The following PCDH15 variants were observed in gnomAD, a reference collection of about 807,000 sequenced individuals.
PCDH15 encodes the protein protocadherin-15.
A neutral mutation model predicts 178.5 loss-of-function variants in PCDH15; 129 were observed. The ratio of observed to expected loss-of-function variants is 0.72; its 90% confidence interval spans 0.63 to 0.84. The LOEUF is 0.84. Among genes scored for constraint, PCDH15 ranks in the 40% least tolerant of loss-of-function variants. The pLI is 0.00. For missense variants in PCDH15, 2,230 were observed against 2,099.9 expected, an observed-to-expected ratio of 1.06 and a Z score of -1.21; for synonymous variants, 800 against 732.0, an observed-to-expected ratio of 1.09 and a Z score of -1.50.
intron 3 of PCDH15, among the ~76,000 whole-genome samples, chr10:54,860,960 G>C (rs919473788): frequency 6.6e-6 from 1 of 151,916 alleles, no homozygotes; most frequent in African/African-American, 2.4e-5. Context: ...TCTTTTTAAT[G>C]GTATGTTTTA....
At chr10:55,274,678 T>C (rs1161602567) in intron 1 of PCDH15, among the ~76,000 whole-genome samples, 2 of 152,116 alleles carry the variant, frequency 1.3e-5, no homozygotes, top group Non-Finnish European at 1.5e-5. Context: ...CCCAACCTTT[T>C]TGACACCAGG....
At chr10:55,499,732 T>G (rs1264698656) in intron 2 of PCDH15, among the ~76,000 whole-genome samples, 1 of 151,722 alleles carries the variant, frequency 6.6e-6, no homozygotes, top group Non-Finnish European at 1.5e-5. Context: ...ATGTTTTAAA[T>G]AGCAAGTTAA....
intron 2 of PCDH15, among the ~76,000 whole-genome samples, chr10:55,396,269 T>C (rs1378547063): frequency 6.6e-6 from 1 of 152,174 alleles, no homozygotes. Flanking sequence ...TTTAACCCTG[T>C]AGAGAAAAGA....
chr10:53,922,030 T>C (rs1005169389), intron 25 of PCDH15, among the ~76,000 whole-genome samples: 3 of 151,054 alleles, frequency 2.0e-5, no homozygotes, highest in African/African-American at 7.4e-5. Context: ...GGATTTTACA[T>C]CATTTTAATT....
intron 1 of PCDH15, among the ~76,000 whole-genome samples, chr10:55,217,826 G>T (rs1045436593): frequency 2.6e-5 from 4 of 151,808 alleles, no homozygotes; most frequent in Non-Finnish European, 5.9e-5. Context: ...CTTAATCAAG[G>T]GGTGAACTGC....
At chr10:55,432,117 C>CA (rs552642633) in intron 2 of PCDH15, among the ~76,000 whole-genome samples, 2,558 of 99,534 alleles carry the variant, frequency 0.026, 69 homozygotes, top group African/African-American at 0.076. Context: ...ACACACACCA[C>CA]AAGTCTCTCC....
intron 21 of PCDH15, among the ~76,000 whole-genome samples, chr10:53,979,419 G>A (rs2090442927): frequency 1.3e-5 from 2 of 152,140 alleles, no homozygotes; most frequent in African/African-American, 4.8e-5. Context: ...CCCACTACAC[G>A]TGAAGATTAT....
At chr10:54,718,885 C>T (rs758262535) in intron 1 of PCDH15, among the ~76,000 whole-genome samples, 9 of 151,322 alleles carry the variant, frequency 5.9e-5, no homozygotes, top group Non-Finnish European at 1.2e-4. Context: ...TTAGTAGAGA[C>T]GGGGTTTCAC....
chr10:54,790,262 C>G (rs1951273111), intron 1 of PCDH15, among the ~76,000 whole-genome samples: 1 of 151,900 alleles, frequency 6.6e-6, no homozygotes, highest in East Asian at 1.9e-4. Context: ...CAAAGAGCAT[C>G]TCAGTGCCCA....
intron 5 of PCDH15, among the ~76,000 whole-genome samples, chr10:54,365,883 C>A (rs1051689338): frequency 1.3e-5 from 2 of 151,178 alleles, no homozygotes; most frequent in African/African-American, 4.9e-5. Flanking sequence ...TTGGTGAATT[C>A]TTGACAAACT....
chr10:55,464,549 T>C (rs926265973), intron 2 of PCDH15, among the ~76,000 whole-genome samples: 2 of 151,494 alleles, frequency 1.3e-5, no homozygotes, highest in Non-Finnish European at 2.9e-5. Flanking sequence ...ACCACCTCTA[T>C]TCCAGAGGCA....
chr10:55,319,452 G>C (rs1843826365), intron 1 of PCDH15: 1 of 152,130 alleles, frequency 6.6e-6, no homozygotes, highest in Non-Finnish European at 1.5e-5. Context: ...AGGGTGGCAA[G>C]ATGGCTGACT....
intron 2 of PCDH15, among the ~76,000 whole-genome samples, chr10:54,590,863 A>C (rs1250064317): frequency 6.6e-6 from 1 of 152,102 alleles, no homozygotes; most frequent in East Asian, 1.9e-4. Flanking sequence ...CAAGCAAACA[A>C]AAAAAAACCG....
In PCDH15 at chr10:54,985,996, G is replaced by C. The variant is rs117370137; in HGVS notation, c.-79-88496C>G. On this transcript the variant is annotated intron_variant, in intron 2 of 5. Transcript: ENST00000458638. ...GGCAAAATTCAACCTGGGGTTTGAA[G>C]TAGAGGCCTATTTTTAAAATCCTCT... Among the ~76,000 whole-genome samples, 1,453 of 152,346 alleles carry C rather than the reference G, an allele frequency of 9.5e-3. 9 individuals are homozygous for C. The highest frequency in any genetic ancestry group is 0.016 in the Non-Finnish European group (1,082 of 68,030).
chr10:54,978,642 T>C (rs866897425), intron 2 of PCDH15, among the ~76,000 whole-genome samples: 56 of 152,118 alleles, frequency 3.7e-4, no homozygotes, highest in African/African-American at 1.4e-3. Flanking sequence ...GAAGACTCAC[T>C]AGAGAAGATT....
chr10:54,702,778 A>G (rs1219383717), intron 1 of PCDH15, among the ~76,000 whole-genome samples: 1 of 152,072 alleles, frequency 6.6e-6, no homozygotes, highest in Non-Finnish European at 1.5e-5. Context: ...TACCAGATGT[A>G]TAAAGAAGAG....
At chr10:54,048,521 TTA>T (rs2093700983) in intron 18 of PCDH15, among the ~76,000 whole-genome samples, 1 of 152,198 alleles carries the variant, frequency 6.6e-6, no homozygotes, top group Non-Finnish European at 1.5e-5. Flanking sequence ...TCCAGGATTT[TTA>T]TAGTTTTGCA....
At chr10:54,493,524 T>C (rs1269160474) in intron 3 of PCDH15, among the ~76,000 whole-genome samples, 1 of 151,986 alleles carries the variant, frequency 6.6e-6, no homozygotes, top group Non-Finnish European at 1.5e-5. Context: ...AAAGTGTATG[T>C]TTGGAGAGAA....
chr10:54,441,377 C>G (rs1469907474), intron 3 of PCDH15, among the ~76,000 whole-genome samples: 1 of 151,854 alleles, frequency 6.6e-6, no homozygotes, highest in Non-Finnish European at 1.5e-5. Context: ...ACTATTAAAC[C>G]CTGTGAATCC....
Sources: gnomAD v4.1 joint callset for allele counts (sites outside exome capture counted in the v4.1 genomes callset) on GRCh38, gnomAD v4.1.1 for gene constraint, MANE v1.5 for transcripts, NCBI Gene and HGNC (gene_info 2026-07-23, HGNC 2026-07-21) for gene names.